The following ZNF705G variants were observed in gnomAD, a reference collection of about 807,000 sequenced individuals.
The protein encoded by ZNF705G is zinc finger protein 705G.
ZNF705G carries 23 observed loss-of-function variants against 19.6 expected under a neutral mutation model. The observed-to-expected ratio is 1.17, with a 90% CI of 0.84 to 1.66. The LOEUF is 1.66. Ranked by LOEUF, ZNF705G falls within the 40% of genes most tolerant of loss-of-function variation. ZNF705G has a pLI of 0.00. For synonymous variants in ZNF705G, 146 were observed against 117.7 expected (o/e 1.24, Z -1.56); for missense variants, 457 against 354.4 (o/e 1.29, Z -2.32).
intron 1 of ZNF705G, among the ~76,000 whole-genome samples, chr8:7,385,110 T>C (rs1388383629): frequency 6.8e-6 from 1 of 147,876 alleles, no homozygotes; most frequent in Non-Finnish European, 1.5e-5. Context: ...GTTCAGAGAA[T>C]GAACAGGGTC....
chr8:7,367,293 T>G, intron 2 of ZNF705G, among the ~76,000 whole-genome samples: 1 of 149,306 alleles, frequency 6.7e-6, no homozygotes, highest in Non-Finnish European at 1.5e-5. Flanking sequence ...GCCTGTCAAT[T>G]ATCACATTTC....
At chr8:7,384,256 G>A (rs1383373055) in intron 1 of ZNF705G, among the ~76,000 whole-genome samples, 8 of 142,692 alleles carry the variant, frequency 5.6e-5, no homozygotes, top group Middle Eastern at 3.4e-3. Flanking sequence ...TGTTTATTTG[G>A]TGATGGCTAT....
chr8:7,374,916 G>A (rs1274910968), intron 2 of ZNF705G, among the ~76,000 whole-genome samples: 2 of 94,600 alleles, frequency 2.1e-5, no homozygotes, highest in Non-Finnish European at 4.1e-5. Flanking sequence ...AGGTTTACAA[G>A]AAAGAACAAA....
intron 2 of ZNF705G, among the ~76,000 whole-genome samples, chr8:7,376,791 C>A (rs1464029733): frequency 1.3e-5 from 2 of 150,152 alleles, no homozygotes; most frequent in Non-Finnish European, 2.9e-5. Flanking sequence ...AAAATATCCT[C>A]TCTAACAATT....
In ZNF705G at chr8:7,384,585, G is replaced by A. The variant is rs541947526; in HGVS notation, c.-222+913C>T. Among the ~76,000 whole-genome samples, 92 of 145,946 alleles carry A rather than the reference G, an allele frequency of 6.3e-4. 7 individuals are homozygous for A. The highest frequency in any genetic ancestry group is 2.5e-3 in the African/African-American group (90 of 35,522). Reference sequence around the variant, plus strand: ...ATACTACTTTCCTCCATAAAGCCTGGAATGTCTCAAAAAAATCCCTAAAAT... The same window carrying A: ...ATACTACTTTCCTCCATAAAGCCTGAAATGTCTCAAAAAAATCCCTAAAAT... On this transcript the variant is annotated intron_variant, in intron 1 of 6. Coordinates refer to ENST00000400156, the MANE Select transcript of ZNF705G (RefSeq NM_001164457.3).
chr8:7,379,232 G>T (rs1279700171), intron 2 of ZNF705G, among the ~76,000 whole-genome samples: 1 of 147,700 alleles, frequency 6.8e-6, no homozygotes, highest in Non-Finnish European at 1.5e-5. Context: ...AAAACATTGG[G>T]TTCAAAATCT....
rs1210360425 is a variant in ZNF705G at position 7,385,553 on chromosome 8, A to G, written c.-277T>C. On this transcript the variant is annotated 5_prime_UTR_variant, in exon 1 of 7. Transcript: ENST00000400156. Reference sequence around the variant, plus strand: ...CTGTGTGCTGTATGTCCCTTGGGACAAGGACACCTGAAAGCAGCTCCAGTG... The same window carrying G: ...CTGTGTGCTGTATGTCCCTTGGGACGAGGACACCTGAAAGCAGCTCCAGTG... 6.8e-6 allele frequency: 1 copy of G among 147,446 alleles called. No homozygotes were observed. 9.1% of individuals were successfully genotyped at this position (147,446 alleles called of 1,614,324 possible). A position where few individuals can be genotyped will look rare whatever the true frequency, so the allele number is the denominator to read the frequency against.
At chr8:7,375,620 G>T (rs1263836717) in intron 2 of ZNF705G, among the ~76,000 whole-genome samples, 1 of 94,086 alleles carries the variant, frequency 1.1e-5, no homozygotes, top group Non-Finnish European at 2.1e-5. Context: ...ATGCTCAATA[G>T]AATCAGGTAT....
rs1308572280 is a variant in ZNF705G, at chr8:7,366,142, T to A, written c.-71-3125A>T. On this transcript the variant is annotated intron_variant, in intron 2 of 6. Transcript: ENST00000400156. Reference sequence around the variant, plus strand: ...AAACCAAAACGAATATATATCAGATTACACTATAAATGGAAAATCCTATTA... The same window carrying A: ...AAACCAAAACGAATATATATCAGATAACACTATAAATGGAAAATCCTATTA... 2.7e-5 allele frequency among the ~76,000 whole-genome samples: 4 copies of A among 147,856 alleles called. 1 individual carries two copies. The highest frequency in any genetic ancestry group is 1.1e-4 in the African/African-American group (4 of 37,416).
At position 7,365,137 on chromosome 8, in the gene ZNF705G, A is replaced by G. The variant is rs187224696; in HGVS notation, c.-71-2120T>C. ...TATTTCATAAAGGACTCTTGTGTGGAATCTATAAAAACTATTTCAAGATGT... is the reference window on the plus strand; with the variant it reads ...TATTTCATAAAGGACTCTTGTGTGGGATCTATAAAAACTATTTCAAGATGT... On this transcript the variant is annotated intron_variant, in intron 2 of 6. Transcript: ENST00000400156. 1.4e-3 allele frequency among the ~76,000 whole-genome samples: 213 copies of G among 149,772 alleles called. 23 individuals are homozygous for G. The highest frequency in any genetic ancestry group is 5.3e-3 in the African/African-American group (206 of 39,162).
intron 6 of ZNF705G, among the ~76,000 whole-genome samples, chr8:7,358,911 C>G (rs1301110168): frequency 6.7e-6 from 1 of 149,462 alleles, no homozygotes; most frequent in Non-Finnish European, 1.5e-5. Flanking sequence ...CTTTTCTTTA[C>G]AAGTGCAGTC....
At chr8:7,370,247 T>G (rs1198647415) in intron 2 of ZNF705G, among the ~76,000 whole-genome samples, 13 of 143,154 alleles carry the variant, frequency 9.1e-5, no homozygotes, top group Non-Finnish European at 1.5e-4. Flanking sequence ...CTCCAGCCTG[T>G]GTGACACACC....
At chr8:7,384,857 T>A (rs144711201) in intron 1 of ZNF705G, among the ~76,000 whole-genome samples, 2 of 143,162 alleles carry the variant, frequency 1.4e-5, no homozygotes, top group South Asian at 2.1e-4. Context: ...TCACGTACCA[T>A]GAGTCTTGAA....
chr8:7,383,736 G>A lies in ZNF705G; in HGVS notation c.-222+1762C>T, dbSNP rs539442127. Among the ~76,000 whole-genome samples, 414 of 149,454 alleles carry A rather than the reference G, an allele frequency of 2.8e-3. 12 individuals carry two copies. The highest frequency in any genetic ancestry group is 9.4e-3 in the African/African-American group (367 of 38,872). ...TTATAAAAGAGGCCTGAAGGAGCTC[G>A]TTTGTACCTTTCACCACATAACAAC... On this transcript the variant is annotated intron_variant, in intron 1 of 6. Transcript: ENST00000400156.
chr8:7,364,104 C>T (rs1295733417), intron 2 of ZNF705G, among the ~76,000 whole-genome samples: 1 of 149,250 alleles, frequency 6.7e-6, no homozygotes, highest in Non-Finnish European at 1.5e-5. Context: ...TTATATTAGT[C>T]TTTGTTAGTT....
In ZNF705G at chr8:7,363,047, C is replaced by T. The variant is rs1009448251; in HGVS notation, c.-71-30G>A. On this transcript the variant is annotated intron_variant, in intron 2 of 6. Coordinates refer to ENST00000400156, the MANE Select transcript of ZNF705G (RefSeq NM_001164457.3). ...GGTTGGAGAAAGAACATGTGAGACA[C>T]CAGTCTTGTGCACAATTTTCAGATC... 7 of 1,582,138 alleles carry T rather than the reference C, an allele frequency of 4.4e-6. 1 individual carries two copies. The African/African-American group carries it at 1.0e-4, about 23-fold the overall frequency.
chr8:7,359,712 T>A lies in ZNF705G; in HGVS notation c.236-11A>T, dbSNP rs748612307. The A allele has an allele frequency of 1.2e-6, 2 of 1,606,412 alleles. No individual in the cohort carries two copies. The highest frequency in any genetic ancestry group is 1.4e-5 in the African/African-American group (1 of 70,806). ...GGGCACTTTCCCTGTCTGAAATAAT[T>A]GAAAAATAAATTGTTACATTGGTAT... On this transcript the variant is annotated splice_polypyrimidine_tract_variant and intron_variant, in intron 5 of 6. Transcript: ENST00000400156.
At position 7,366,163 on chromosome 8, in the gene ZNF705G, T is replaced by C. The variant is rs1333784577; in HGVS notation, c.-71-3146A>G. 1.4e-5 allele frequency among the ~76,000 whole-genome samples: 2 copies of C among 147,136 alleles called. 1 individual carries two copies. Among genetic ancestry groups the C allele is most frequent in the African/African-American group, 5.4e-5 (2 of 36,784 alleles). ...AGATTACACTATAAATGGAAAATCC[T>C]ATTATCTTGACGGGATTGCAAGTCA... is the stretch of plus-strand genomic sequence containing the variant. On this transcript the variant is annotated intron_variant, in intron 2 of 6. Transcript: ENST00000400156.
intron 4 of ZNF705G, among the ~76,000 whole-genome samples, 190 bp from the exon 5 acceptor site, chr8:7,360,522 A>G (rs1227375301): frequency 6.7e-6 from 1 of 149,278 alleles, no homozygotes; most frequent in African/African-American, 2.6e-5. Context: ...ATCCAAACCA[A>G]AGGTCCATCA....
Sources: gnomAD v4.1 joint callset for allele counts (sites outside exome capture counted in the v4.1 genomes callset) on GRCh38, gnomAD v4.1.1 for gene constraint, MANE v1.5 for transcripts, NCBI Gene and HGNC (gene_info 2026-07-23, HGNC 2026-07-21) for gene names.